KCNH1: variants seen among roughly 807,000 people sequenced by gnomAD.
KCNH1 encodes potassium voltage-gated channel subfamily H member 1.
A neutral mutation model predicts 69.2 loss-of-function variants in KCNH1; 27 were observed. The ratio of observed to expected loss-of-function variants is 0.39; its 90% CI spans 0.29 to 0.54. KCNH1 has a LOEUF of 0.54. KCNH1 is among the 20% of genes least tolerant of loss of function. The probability of loss-of-function intolerance (pLI) is 0.68; values close to 1 mark genes in which losing one functional copy is unlikely to be tolerated. For missense variants in KCNH1, 798 were observed against 1,261.6 expected, an observed-to-expected ratio of 0.63 and a Z score of 5.57; for synonymous variants, 456 against 487.7, an observed-to-expected ratio of 0.93 and a Z score of 0.86.
At chr1:210,973,755 C>A (rs1448831950) in intron 6 of KCNH1, among the ~76,000 whole-genome samples, 1 of 152,056 alleles carries the variant, frequency 6.6e-6, no homozygotes, top group East Asian at 1.9e-4. Flanking sequence ...GTCATTGCAG[C>A]TATTTTTAAG....
At chr1:210,815,686 CT>C (rs1225775893) in intron 7 of KCNH1, among the ~76,000 whole-genome samples, 1 of 152,170 alleles carries the variant, frequency 6.6e-6, no homozygotes, top group Non-Finnish European at 1.5e-5. Flanking sequence ...CACTACAGAA[CT>C]TTCACCCACC....
intron 4 of KCNH1, among the ~76,000 whole-genome samples, chr1:211,089,247 A>G (rs942251515): frequency 1.3e-5 from 2 of 152,220 alleles, no homozygotes; most frequent in African/African-American, 4.8e-5. Flanking sequence ...ATGGTACTTA[A>G]TCATGAGTGA....
At chr1:210,975,955 C>G (rs1688600085) in intron 6 of KCNH1, among the ~76,000 whole-genome samples, 1 of 152,198 alleles carries the variant, frequency 6.6e-6, no homozygotes, top group African/African-American at 2.4e-5. Context: ...TGAACAGACA[C>G]TTCTCAAAAG....
chr1:211,018,659 GCTC>G (rs1185338383), intron 6 of KCNH1, 121 bp downstream of exon 6: 1 of 797,372 alleles, frequency 1.3e-6, no homozygotes, highest in African/African-American at 1.7e-5. Context: ...TATCAAGCAT[GCTC>G]CCTCTGTTCT....
intron 7 of KCNH1, among the ~76,000 whole-genome samples, chr1:210,834,011 C>T (rs1476079841): frequency 1.3e-5 from 2 of 152,282 alleles, no homozygotes; most frequent in African/African-American, 4.8e-5. Context: ...GTTAGAATGG[C>T]AATCATTAAA....
At chr1:210,974,753 G>A (rs12140152) in intron 6 of KCNH1, among the ~76,000 whole-genome samples, 1,639 of 151,592 alleles carry the variant, frequency 0.011, 33 homozygotes, top group Non-Finnish European at 0.012. Context: ...TAGTAAAGAC[G>A]GGGTTTCACT....
In KCNH1 at chr1:210,688,425, A is replaced by G. The variant is rs146442917; in HGVS notation, c.2113-4287T>C. Among the ~76,000 whole-genome samples the G allele has an allele frequency of 3.7e-4, 57 of 152,330 alleles. No homozygotes were observed. The East Asian group carries it at 0.011, about 28-fold the overall frequency. ...CAGGATCAATCCAAACTTTGTGGCT[A>G]TAGCCATCCCCCTGTTTGTGAAGCC... On this transcript the variant is annotated intron_variant, in intron 10 of 10. Transcript: ENST00000271751.
intron 5 of KCNH1, among the ~76,000 whole-genome samples, chr1:211,051,946 C>T (rs4072301): frequency 0.38 from 58,270 of 151,612 alleles, 11,532 homozygotes; most frequent in South Asian, 0.46. Flanking sequence ...CTTTGCACTA[C>T]GTCATCCTGT....
In KCNH1 at chr1:211,056,477, G is replaced by A. The variant is rs552770501; in HGVS notation, c.558+26303C>T. Among the ~76,000 whole-genome samples the A allele has an allele frequency of 4.6e-5, 7 of 152,094 alleles. No individual in the cohort carries two copies. In the East Asian group the frequency reaches 1.4e-3, roughly 30 times the overall value. On this transcript the variant is annotated intron_variant, in intron 5 of 10. Transcript: ENST00000271751. ...GATGGGGGAAACTCACTGCCCTGAA[G>A]AGAAGGAAACAAGCCTGCCTGGATT...
intron 5 of KCNH1, among the ~76,000 whole-genome samples, chr1:211,032,024 C>A (rs1689795118): frequency 6.6e-6 from 1 of 152,176 alleles, no homozygotes; most frequent in Non-Finnish European, 1.5e-5. Context: ...ATCATCTCAG[C>A]CCAAAATCTC....
intron 7 of KCNH1, chr1:210,859,328 G>T: frequency 6.6e-7 from 1 of 1,524,860 alleles, no homozygotes; most frequent in Non-Finnish European, 9.1e-7. Flanking sequence ...TGTTTTCTTT[G>T]TTCTTCATTA....
Position 211,084,764 on chromosome 1 carries a change from T to C in KCNH1, c.440-1866A>G, listed in dbSNP as rs371344044. ...CCCAAACCCATATTTTCCTTCCTGC[T>C]CTATAGATACTTTATAATGGCAATC... On this transcript the variant is annotated intron_variant, in intron 4 of 10. Coordinates refer to ENST00000271751, the MANE Select transcript of KCNH1 (RefSeq NM_172362.3). Among the ~76,000 whole-genome samples, 100 of 152,342 alleles carry C rather than the reference T, an allele frequency of 6.6e-4. 3 individuals carry two copies. In the South Asian group the frequency reaches 0.016, roughly 24 times the overall value.
At chr1:210,861,047 G>A in intron 7 of KCNH1, 1 of 987,798 alleles carries the variant, frequency 1.0e-6, no homozygotes, top group Non-Finnish European at 1.6e-6. Flanking sequence ...AAATCCCATA[G>A]TCTTTTGAAG....
chr1:211,015,217 G>T (rs1290572722), intron 6 of KCNH1, among the ~76,000 whole-genome samples: 1 of 152,108 alleles, frequency 6.6e-6, no homozygotes, highest in Admixed American at 6.5e-5. Context: ...ATTCAGCCAA[G>T]CCAAGGAGTG....
At chr1:210,712,708 C>T (rs546822683) in intron 10 of KCNH1, among the ~76,000 whole-genome samples, 1 of 152,284 alleles carries the variant, frequency 6.6e-6, no homozygotes, top group African/African-American at 2.4e-5. Context: ...AAGAGTTTCA[C>T]CTTTGCTTGC....
intron 1 of KCNH1, among the ~76,000 whole-genome samples, chr1:211,127,819 G>C (rs1438889878): frequency 6.6e-6 from 1 of 152,154 alleles, no homozygotes; most frequent in Non-Finnish European, 1.5e-5. Context: ...ATCTACCACA[G>C]TTAAACATGT....
At chr1:210,924,702 C>T (rs1687531895) in intron 6 of KCNH1, among the ~76,000 whole-genome samples, 1 of 152,192 alleles carries the variant, frequency 6.6e-6, no homozygotes, top group African/African-American at 2.4e-5. Context: ...GAACCAGGGA[C>T]TGGCCTACCA....
rs1013148960 is a variant in KCNH1, at chr1:210,763,174, C to T, written c.2112+12174G>A. ...AAAAGTAGTCAATACAATCCAACATCTCTTTATAATGAAAACCCTCAAAAA... is the reference window on the plus strand; with the variant it reads ...AAAAGTAGTCAATACAATCCAACATTTCTTTATAATGAAAACCCTCAAAAA... On this transcript the variant is annotated intron_variant, in intron 10 of 10. Coordinates refer to ENST00000271751, the MANE Select transcript of KCNH1 (RefSeq NM_172362.3). Among the ~76,000 whole-genome samples the T allele has an allele frequency of 9.6e-4, 146 of 152,120 alleles. 1 individual carries two copies. The highest frequency in any genetic ancestry group is 1.2e-4 in the Non-Finnish European group (8 of 67,996).
intron 6 of KCNH1, among the ~76,000 whole-genome samples, chr1:210,925,075 T>C (rs778762811): frequency 2.0e-5 from 3 of 152,102 alleles, no homozygotes; most frequent in Non-Finnish European, 4.4e-5. Context: ...CAGATATCAA[T>C]GTAGGAACAA....
Sources: allele counts gnomAD v4.1 joint callset (sites outside exome capture counted in the v4.1 genomes callset), GRCh38; gene constraint gnomAD v4.1.1; transcripts MANE v1.5; gene names NCBI Gene and HGNC (gene_info 2026-07-23, HGNC 2026-07-21).